ADGRV1: variants seen among roughly 807,000 people sequenced by gnomAD.
ADGRV1 encodes G-protein coupled receptor 98.
Under a neutral mutation model 596.2 loss-of-function variants are expected in ADGRV1, and 359 were observed. That is an observed-to-expected ratio of 0.60 (90% confidence interval 0.55 to 0.66). The LOEUF (loss-of-function observed/expected upper bound fraction) is 0.66. Among genes scored for constraint, ADGRV1 ranks in the 30% least tolerant of loss-of-function variants. The pLI is 0.00. For synonymous variants in ADGRV1, 2,681 were observed against 2,679.2 expected (o/e 1.00, Z -0.02); for missense variants, 7,274 against 7,575.6 (o/e 0.96, Z 1.48).
At chr5:91,015,955 A>G (rs758768408) in intron 85 of ADGRV1, among the ~76,000 whole-genome samples, 2 of 151,918 alleles carry the variant, frequency 1.3e-5, no homozygotes, top group Non-Finnish European at 2.9e-5. Context: ...AAGTTGCTTT[A>G]TAGTGTCACT....
chr5:90,623,219 A>G (rs1019215708), intron 5 of ADGRV1, among the ~76,000 whole-genome samples: 1 of 152,240 alleles, frequency 6.6e-6, no homozygotes, highest in Non-Finnish European at 1.5e-5. Flanking sequence ...TGTGTATACA[A>G]TGCTTACATG....
intron 50 of ADGRV1, among the ~76,000 whole-genome samples, chr5:90,733,745 A>C (rs1222736278): frequency 6.6e-6 from 1 of 152,212 alleles, no homozygotes; most frequent in Non-Finnish European, 1.5e-5. Context: ...ATATTAAATC[A>C]AGCTATTAAC....
At chr5:90,632,393 T>C (rs1765617946) in intron 9 of ADGRV1, among the ~76,000 whole-genome samples, 1 of 152,214 alleles carries the variant, frequency 6.6e-6, no homozygotes, top group Admixed American at 6.5e-5. Flanking sequence ...TGTTATCATT[T>C]GAGCTTTCTA....
chr5:91,065,116 G>C (rs1787774262), intron 85 of ADGRV1, among the ~76,000 whole-genome samples: 1 of 152,184 alleles, frequency 6.6e-6, no homozygotes, highest in Non-Finnish European at 1.5e-5. Context: ...TTAGAAACCA[G>C]TTTGTGATAA....
chr5:90,692,162 G>A (rs1168923870), intron 31 of ADGRV1, among the ~76,000 whole-genome samples: 4 of 151,988 alleles, frequency 2.6e-5, no homozygotes, highest in Non-Finnish European at 2.9e-5. Context: ...TGGCATTACA[G>A]TATGTTTTTG....
Position 90,783,838 on chromosome 5 carries a change from TG to T in ADGRV1, c.13435del (p.Glu4479AsnfsTer23). 6.2e-7 allele frequency: 1 copy of T among 1,600,378 alleles called. No individual in the cohort carries two copies. The highest frequency in any genetic ancestry group is 8.5e-7 in the Non-Finnish European group (1 of 1,173,372). ...NISIIDDNES[E>X]FEEPIEILLT... ...AGAATTGCTCCTTCTTGCCATGCAG[TG>T]AATTTGAGGAGCCCATTGAAATTCT... On this transcript the variant is annotated frameshift_variant and splice_region_variant, in exon 67 of 90. Coordinates refer to ENST00000405460, the MANE Select transcript of ADGRV1 (RefSeq NM_032119.4). LOFTEE classifies it high-confidence loss of function.
At chr5:90,763,500 TTCCCCAATTTG>T in intron 59 of ADGRV1, 31 bp downstream of exon 59, 1 of 1,573,188 alleles carries the variant, frequency 6.4e-7, no homozygotes, top group South Asian at 1.2e-5. Flanking sequence ...CCTGTAATTT[TTCCCCAATTTG>T]TCTTTGATTT....
At chr5:91,071,459 C>T (rs1183078297) in intron 85 of ADGRV1, among the ~76,000 whole-genome samples, 2 of 151,828 alleles carry the variant, frequency 1.3e-5, no homozygotes, top group Non-Finnish European at 2.9e-5. Context: ...AAGTGTGTTC[C>T]AGGGCACATT....
Position 90,788,163 on chromosome 5 carries a change from T to TGGAGAA in ADGRV1, c.13757_13762dup (p.Glu4586_Gly4587dup), listed in dbSNP as rs1237901984. The stretch of plus-strand genomic sequence containing the variant: ...ACCCAGTGAGCGGGTTGTTCTATTT[T>TGGAGAA]GGAGAAGGAGAAGGAGGAGTGAGAA... On this transcript the variant is annotated inframe_insertion, in exon 68 of 90. Coordinates refer to ENST00000405460, the MANE Select transcript of ADGRV1 (RefSeq NM_032119.4). 3.1e-6 allele frequency: 5 copies of TGGAGAA among 1,613,736 alleles called. No homozygotes were observed. Among genetic ancestry groups the TGGAGAA allele is most frequent in the African/African-American group, 1.3e-5 (1 of 74,926 alleles).
intron 18 of ADGRV1, 80 bp from the exon 19 acceptor site, chr5:90,652,266 A>T (rs961185454): frequency 3.0e-5 from 31 of 1,022,522 alleles, no homozygotes; most frequent in Non-Finnish European, 4.3e-5. Context: ...GATAGTAAAA[A>T]TATGTTTCCT....
chr5:91,100,539 A>G (rs948206314), intron 86 of ADGRV1, among the ~76,000 whole-genome samples: 1 of 152,170 alleles, frequency 6.6e-6, no homozygotes, highest in Non-Finnish European at 1.5e-5. Context: ...GGGAAAAGAA[A>G]GAATAATGGA....
chr5:90,776,688 T>G, intron 61 of ADGRV1, 112 bp downstream of exon 61: 4 of 1,165,262 alleles, frequency 3.4e-6, no homozygotes, highest in Non-Finnish European at 3.8e-6. Context: ...AGCATTAACA[T>G]TCTATATACT....
chr5:91,082,662 G>C (rs888973890), intron 86 of ADGRV1, among the ~76,000 whole-genome samples: 3 of 152,078 alleles, frequency 2.0e-5, no homozygotes, highest in African/African-American at 7.2e-5. Flanking sequence ...CTTGACTAGA[G>C]AGTAGAAAAA....
chr5:91,121,899 T>C (rs551208570), intron 87 of ADGRV1, among the ~76,000 whole-genome samples: 1 of 152,286 alleles, frequency 6.6e-6, no homozygotes, highest in African/African-American at 2.4e-5. Flanking sequence ...AAATTATGTT[T>C]CTTTTTTTTC....
intron 83 of ADGRV1, among the ~76,000 whole-genome samples, chr5:90,925,843 G>C (rs540527067): frequency 2.5e-3 from 311 of 125,634 alleles, no homozygotes; most frequent in Non-Finnish European, 4.4e-3. Flanking sequence ...TAGCATGAAG[G>C]GTTGTTGAAT....
chr5:90,911,298 T>C (rs1430180157), intron 83 of ADGRV1, among the ~76,000 whole-genome samples: 6 of 152,192 alleles, frequency 3.9e-5, no homozygotes, highest in Non-Finnish European at 8.8e-5. Flanking sequence ...ATGCTGTGAC[T>C]TTTTCAGACA....
intron 1 of ADGRV1, among the ~76,000 whole-genome samples, chr5:90,589,625 G>A (rs1050507000): frequency 3.3e-5 from 5 of 152,166 alleles, no homozygotes; most frequent in Non-Finnish European, 7.3e-5. Flanking sequence ...ATGTTAAGGA[G>A]TTCCCTGTTT....
At chr5:90,836,464 A>G (rs1446527369) in intron 77 of ADGRV1, among the ~76,000 whole-genome samples, 1 of 152,130 alleles carries the variant, frequency 6.6e-6, no homozygotes, top group Non-Finnish European at 1.5e-5. Context: ...TAAAAAAAAA[A>G]GCTGATACCA....
At chr5:90,807,514 G>C in intron 72 of ADGRV1, 88 bp from the exon 73 acceptor site, 1 of 1,274,466 alleles carries the variant, frequency 7.8e-7, no homozygotes, top group Non-Finnish European at 1.1e-6. Context: ...TTTTGGAAAA[G>C]AAAATACACT....
Sources: allele counts gnomAD v4.1 joint callset (sites outside exome capture counted in the v4.1 genomes callset), GRCh38; gene constraint gnomAD v4.1.1; transcripts MANE v1.5; gene names NCBI Gene and HGNC (gene_info 2026-07-23, HGNC 2026-07-21).